Variants in CERS3 observed in about 807,000 individuals in gnomAD.
The protein encoded by CERS3 is ceramide synthase 3.
In CERS3, 33 loss-of-function variants were observed where a neutral mutation model predicts 50.3. The observed-to-expected ratio is 0.66, with a 90% CI of 0.50 to 0.88. The LOEUF (loss-of-function observed/expected upper bound fraction) is 0.88, where lower values mean the gene tolerates loss of function less well. Among genes scored for constraint, CERS3 ranks in the 40% least tolerant of loss-of-function variants. The probability of loss-of-function intolerance (pLI) is 0.00; values close to 1 mark genes in which losing one functional copy is unlikely to be tolerated. For synonymous variants in CERS3, 176 were observed against 155.2 expected (o/e 1.13, Z -0.99); for missense variants, 470 against 460.3 (o/e 1.02, Z -0.19).
rs28578750 is a variant in CERS3 at position 100,484,481 on chromosome 15, C to T, written c.407+69G>A. ...CTCCCTCTGCTGCTCCGGCAGTATT[C>T]TCTCTGCAAGGACCACTCAGCTCCA... On this transcript the variant is annotated intron_variant, in intron 5 of 11. Coordinates refer to ENST00000679737, the MANE Select transcript of CERS3 (RefSeq NM_001378789.1). 4.3e-3 allele frequency: 4,633 copies of T among 1,072,862 alleles called. 137 individuals carry two copies. The African/African-American group carries it at 0.064, about 15-fold the overall frequency. 66.5% of individuals were successfully genotyped at this position (1,072,862 alleles called of 1,614,324 possible). A position where few individuals can be genotyped will look rare whatever the true frequency, so the allele number is the denominator to read the frequency against.
chr15:100,543,319 C>T (rs2037246313), intron 1 of CERS3, among the ~76,000 whole-genome samples: 1 of 152,024 alleles, frequency 6.6e-6, no homozygotes, highest in Non-Finnish European at 1.5e-5. Context: ...CTGCCCAAAC[C>T]AACCTAACTG....
chr15:100,489,448 G>A (rs560778109), intron 4 of CERS3, among the ~76,000 whole-genome samples: 1 of 152,236 alleles, frequency 6.6e-6, no homozygotes, highest in South Asian at 2.1e-4. Flanking sequence ...GCTTGGTAAG[G>A]ACCAAATTTT....
At chr15:100,492,119 T>C (rs1049202262) in intron 3 of CERS3, among the ~76,000 whole-genome samples, 4 of 152,236 alleles carry the variant, frequency 2.6e-5, no homozygotes, top group Admixed American at 2.6e-4. Context: ...TGTAGCCTAA[T>C]ATGTAATCAT....
intron 11 of CERS3, among the ~76,000 whole-genome samples, chr15:100,405,730 T>C (rs2030974610): frequency 2.0e-5 from 3 of 152,332 alleles, no homozygotes; most frequent in African/African-American, 4.8e-5. Flanking sequence ...AATGATGCTG[T>C]GTATCCTGAT....
At chr15:100,474,650 G>A (rs1319873499) in intron 8 of CERS3, among the ~76,000 whole-genome samples, 2 of 152,240 alleles carry the variant, frequency 1.3e-5, no homozygotes, top group African/African-American at 4.8e-5. Flanking sequence ...TGATCCACCT[G>A]CCTCAGCCTC....
chr15:100,433,976 A>T (rs1029418460), intron 11 of CERS3, among the ~76,000 whole-genome samples: 4 of 152,210 alleles, frequency 2.6e-5, no homozygotes, highest in South Asian at 4.1e-4. Flanking sequence ...CCATCCAAAC[A>T]TTAAACAGGT....
At chr15:100,440,142 C>A (rs897963267) in intron 11 of CERS3, among the ~76,000 whole-genome samples, 26 of 152,192 alleles carry the variant, frequency 1.7e-4, no homozygotes, top group Non-Finnish European at 3.4e-4. Context: ...CAGGCTCAGT[C>A]CAGGGCCTTT....
intron 5 of CERS3, among the ~76,000 whole-genome samples, chr15:100,484,228 G>A (rs1462150715): frequency 6.6e-6 from 1 of 151,218 alleles, no homozygotes; most frequent in Non-Finnish European, 1.5e-5. Context: ...CACCAGTTAA[G>A]ACATTTTTAT....
Position 100,402,804 on chromosome 15 carries a change from T to A in CERS3, c.1061A>T (p.Glu354Val), listed in dbSNP as rs1567583448. The change falls in exon 12 of 12, where the codon GAA becomes GTA. Residue 354 changes from glutamate (E) to valine (V), a missense_variant. Coordinates refer to ENST00000679737, the MANE Select transcript of CERS3 (RefSeq NM_001378789.1). Reference sequence around the variant, plus strand: ...CATCTCTTTGCCTTTGGTAGCCTCTTCTTCTTCCTCTTCCTCTTCCTCTTC... The same window carrying A: ...CATCTCTTTGCCTTTGGTAGCCTCTACTTCTTCCTCTTCCTCTTCCTCTTC... ...DYEEEEEEEEEEATKGKEMDC... is the reference protein window; with the variant it reads ...DYEEEEEEEEVEATKGKEMDC... The A allele has an allele frequency of 1.2e-6, 2 of 1,614,034 alleles. No individual in the cohort carries two copies. Among genetic ancestry groups the A allele is most frequent in the Non-Finnish European group, 1.7e-6 (2 of 1,179,962 alleles).
chr15:100,530,955 G>A (rs1203967809), upstream of CERS3, among the ~76,000 whole-genome samples: 1 of 151,818 alleles, frequency 6.6e-6, no homozygotes. Flanking sequence ...ATGGTGGTGG[G>A]CGCCTGTAAT....
At chr15:100,420,637 A>G (rs2032352734) in intron 11 of CERS3, among the ~76,000 whole-genome samples, 1 of 151,668 alleles carries the variant, frequency 6.6e-6, no homozygotes, top group Non-Finnish European at 1.5e-5. Context: ...AAAAAAAGAG[A>G]ATTTTAGACC....
intron 11 of CERS3, among the ~76,000 whole-genome samples, chr15:100,436,629 AAAGT>A (rs2142137283): frequency 6.6e-6 from 1 of 152,318 alleles, no homozygotes; most frequent in African/African-American, 2.4e-5. Context: ...CCCAGAGCTT[AAAGT>A]AAAATAAATA....
At chr15:100,501,373 G>A (rs562900080) in intron 3 of CERS3, among the ~76,000 whole-genome samples, 1 of 152,322 alleles carries the variant, frequency 6.6e-6, no homozygotes, top group Non-Finnish European at 1.5e-5. Flanking sequence ...TAGATGAACT[G>A]GGTTCCCGTA....
chr15:100,504,361 AGCC>A (rs2036110403), intron 2 of CERS3, among the ~76,000 whole-genome samples: 4 of 149,154 alleles, frequency 2.7e-5, no homozygotes, highest in African/African-American at 1.0e-4. Context: ...CTCCTGCCTC[AGCC>A]TCCCAAGTAG....
chr15:100,406,605 C>A (rs2031045536), intron 11 of CERS3, among the ~76,000 whole-genome samples: 1 of 152,148 alleles, frequency 6.6e-6, no homozygotes, highest in Admixed American at 6.5e-5. Context: ...AACTTGGCAT[C>A]TCCTCAGTTA....
intron 11 of CERS3, among the ~76,000 whole-genome samples, chr15:100,433,191 G>A (rs556152314): frequency 2.0e-4 from 30 of 149,996 alleles, no homozygotes; most frequent in East Asian, 1.6e-3. Flanking sequence ...AGCTGAGATC[G>A]CACTGCTGCA....
At chr15:100,471,266 C>T (rs1054119721) in intron 9 of CERS3, among the ~76,000 whole-genome samples, 6 of 151,838 alleles carry the variant, frequency 4.0e-5, no homozygotes, top group South Asian at 2.1e-4. Flanking sequence ...GACCTCAGAA[C>T]GTTTTCAGGT....
At chr15:100,483,925 C>T (rs1039148092) in intron 5 of CERS3, among the ~76,000 whole-genome samples, 14 of 150,820 alleles carry the variant, frequency 9.3e-5, no homozygotes, top group African/African-American at 2.0e-4. Flanking sequence ...GGACTACAGG[C>T]GCCCGCCACC....
rs112098337 is a variant in CERS3 at position 100,458,810 on chromosome 15, A to C, written c.846-2764T>G. On this transcript the variant is annotated intron_variant, in intron 10 of 11. Coordinates refer to ENST00000679737, the MANE Select transcript of CERS3 (RefSeq NM_001378789.1). ...CCACATGCTTTTATGTAACGAGGTG[A>C]TCACTACCTATGTGTGATTTTTGTA... Among the ~76,000 whole-genome samples, 998 of 152,266 alleles carry C rather than the reference A, an allele frequency of 6.6e-3. 11 individuals are homozygous for C. The highest frequency in any genetic ancestry group is 0.023 in the African/African-American group (947 of 41,550).
Sources: gnomAD v4.1 joint callset for allele counts (sites outside exome capture counted in the v4.1 genomes callset) on GRCh38, gnomAD v4.1.1 for gene constraint, MANE v1.5 for transcripts, NCBI Gene and HGNC (gene_info 2026-07-23, HGNC 2026-07-21) for gene names.